Variants in PSD3 observed in about 807,000 individuals in gnomAD.
PSD3 encodes PH and SEC7 domain-containing protein 3.
In PSD3, 49 loss-of-function variants were observed where a neutral mutation model predicts 105.5. The observed-to-expected ratio is 0.46, with a 90% CI of 0.37 to 0.59. The LOEUF (loss-of-function observed/expected upper bound fraction) is 0.59. Ranked by LOEUF, PSD3 falls within the 20% of genes least tolerant of loss-of-function variation. The pLI is 0.00. For synonymous variants in PSD3, 557 were observed against 457.8 expected (o/e 1.22, Z -2.77); for missense variants, 1,561 against 1,263.8 (o/e 1.24, Z -3.57).
chr8:18,765,940 C>T (rs1439115881), intron 8 of PSD3, among the ~76,000 whole-genome samples: 2 of 148,546 alleles, frequency 1.3e-5, no homozygotes, highest in Admixed American at 6.7e-5. Context: ...TGCACTCCAG[C>T]GTGGGTGACA....
At chr8:18,991,065 A>G (rs1024305304) in intron 1 of PSD3, among the ~76,000 whole-genome samples, 2 of 152,166 alleles carry the variant, frequency 1.3e-5, no homozygotes, top group Non-Finnish European at 2.9e-5. Flanking sequence ...GCTGCCGGCC[A>G]GAGCCCAAGG....
intron 9 of PSD3, among the ~76,000 whole-genome samples, chr8:18,726,142 C>A (rs1051127372): frequency 1.4e-4 from 21 of 152,250 alleles, no homozygotes; most frequent in African/African-American, 5.1e-4. Context: ...TTGTCCACCA[C>A]TTCCCTAAAC....
intron 14 of PSD3, among the ~76,000 whole-genome samples, chr8:18,566,965 T>G (rs1179414256): frequency 6.6e-6 from 1 of 152,212 alleles, no homozygotes; most frequent in East Asian, 1.9e-4. Context: ...AACACATTCA[T>G]TTTCACGTAC....
At chr8:18,606,299 T>G (rs951499730) in intron 11 of PSD3, among the ~76,000 whole-genome samples, 1 of 152,200 alleles carries the variant, frequency 6.6e-6, no homozygotes, top group African/African-American at 2.4e-5. Context: ...CTGTGTAATT[T>G]TATCTTCAGT....
At chr8:18,649,698 T>C (rs1205997982) in intron 10 of PSD3, among the ~76,000 whole-genome samples, 1 of 152,186 alleles carries the variant, frequency 6.6e-6, no homozygotes, top group Non-Finnish European at 1.5e-5. Context: ...AAATCTAATG[T>C]TGAATTGTAA....
chr8:19,008,745 T>G (rs1826817315), intron 1 of PSD3, among the ~76,000 whole-genome samples: 1 of 152,178 alleles, frequency 6.6e-6, no homozygotes, highest in Non-Finnish European at 1.5e-5. Flanking sequence ...GCTGCTCGAT[T>G]TCTATAATTC....
intron 1 of PSD3, among the ~76,000 whole-genome samples, chr8:18,946,505 C>T (rs1822863998): frequency 6.6e-6 from 1 of 152,166 alleles, no homozygotes; most frequent in Non-Finnish European, 1.5e-5. Context: ...CACTTGAGTC[C>T]AGAAGGTTGA....
intron 15 of PSD3, among the ~76,000 whole-genome samples, chr8:18,547,726 T>A (rs1800531084): frequency 6.6e-6 from 1 of 152,232 alleles, no homozygotes; most frequent in Non-Finnish European, 1.5e-5. Context: ...TTCAAGATTC[T>A]CTATGTTTAA....
intron 12 of PSD3, among the ~76,000 whole-genome samples, chr8:18,596,121 A>G (rs969443869): frequency 1.3e-5 from 2 of 151,834 alleles, no homozygotes; most frequent in Non-Finnish European, 2.9e-5. Flanking sequence ...GTTCACAAAT[A>G]TGTGGAAATT....
chr8:18,789,361 T>C (rs963332414), intron 8 of PSD3, among the ~76,000 whole-genome samples: 24 of 152,164 alleles, frequency 1.6e-4, no homozygotes, highest in African/African-American at 5.8e-4. Flanking sequence ...AAGCCAAATA[T>C]AAAAAGACTA....
At chr8:19,078,186 G>A (rs1164955042) in intron 1 of PSD3, among the ~76,000 whole-genome samples, 9 of 151,902 alleles carry the variant, frequency 5.9e-5, no homozygotes, top group African/African-American at 2.2e-4. Context: ...ATGAGTCACC[G>A]AGCCAAGCCA....
intron 12 of PSD3, among the ~76,000 whole-genome samples, chr8:18,580,943 G>C (rs1181348411): frequency 6.6e-6 from 1 of 152,168 alleles, no homozygotes. Context: ...GGGCAGTTCA[G>C]TTTTGTAACA....
At chr8:18,637,050 G>C (rs929564165) in intron 10 of PSD3, among the ~76,000 whole-genome samples, 12 of 152,178 alleles carry the variant, frequency 7.9e-5, no homozygotes, top group African/African-American at 2.7e-4. Flanking sequence ...ATCTTCAATA[G>C]TGAGAAAACT....
chr8:18,551,061 T>A (rs74707758), intron 15 of PSD3, among the ~76,000 whole-genome samples: 1 of 152,320 alleles, frequency 6.6e-6, no homozygotes, highest in Admixed American at 6.5e-5. Flanking sequence ...TGCAGCTTAA[T>A]TGCTAGAAAA....
At chr8:18,722,885 C>T (rs28710938) in intron 9 of PSD3, among the ~76,000 whole-genome samples, 6,283 of 152,244 alleles carry the variant, frequency 0.041, 293 homozygotes, top group East Asian at 0.23. Context: ...TTTCAGCACC[C>T]GTTATGCGAA....
At chr8:18,543,265 T>C (rs997168644) in intron 15 of PSD3, among the ~76,000 whole-genome samples, 1 of 152,128 alleles carries the variant, frequency 6.6e-6, no homozygotes, top group African/African-American at 2.4e-5. Context: ...CCCTCCTTAT[T>C]ACATTTTTTT....
intron 9 of PSD3, among the ~76,000 whole-genome samples, chr8:18,718,691 C>T (rs1020050092): frequency 1.3e-5 from 2 of 152,148 alleles, no homozygotes; most frequent in East Asian, 1.9e-4. Flanking sequence ...TGAAGAAAAC[C>T]GCTAAAAACC....
chr8:18,645,123 C>A (rs1453176327), intron 10 of PSD3, among the ~76,000 whole-genome samples: 2 of 152,228 alleles, frequency 1.3e-5, no homozygotes, highest in African/African-American at 4.8e-5. Context: ...GGGCAGAGCC[C>A]TTTTCCCTTA....
chr8:18,709,556 C>G (rs555427880), intron 9 of PSD3, among the ~76,000 whole-genome samples: 8 of 152,240 alleles, frequency 5.3e-5, no homozygotes, highest in Non-Finnish European at 7.3e-5. Context: ...AACCTCCCAA[C>G]AGAAGTCATC....
Sources: gnomAD v4.1 joint callset for allele counts (sites outside exome capture counted in the v4.1 genomes callset) on GRCh38, gnomAD v4.1.1 for gene constraint, MANE v1.5 for transcripts, NCBI Gene and HGNC (gene_info 2026-07-23, HGNC 2026-07-21) for gene names.